MED13: variants seen among roughly 807,000 people sequenced by gnomAD.
The protein encoded by MED13 is mediator of RNA polymerase II transcription subunit 13.
A neutral mutation model predicts 225.2 loss-of-function variants in MED13; 23 were observed. The ratio of observed to expected loss-of-function variants is 0.10; its 90% CI spans 0.07 to 0.14. The LOEUF is 0.14. MED13 is among the 10% of genes least tolerant of loss of function. MED13 has a pLI of 1.00. For missense variants in MED13, 2,197 were observed against 2,594.5 expected, an observed-to-expected ratio of 0.85 and a Z score of 3.33; for synonymous variants, 942 against 889.2, an observed-to-expected ratio of 1.06 and a Z score of -1.06.
intron 28 of MED13, among the ~76,000 whole-genome samples, chr17:61,949,383 C>A (rs1229807282): frequency 6.6e-6 from 1 of 152,032 alleles, no homozygotes. Flanking sequence ...GCACATGCCA[C>A]CATGCCTAAT....
intron 23 of MED13, among the ~76,000 whole-genome samples, chr17:61,956,995 A>T (rs571745669): frequency 1.5e-3 from 227 of 152,236 alleles, no homozygotes; most frequent in African/African-American, 4.6e-3. Context: ...ATAAATTTTT[A>T]AAAAAATTTG....
At chr17:61,956,634 G>A (rs902047545) in intron 23 of MED13, among the ~76,000 whole-genome samples, 153 bp from the exon 24 acceptor site, 3 of 152,040 alleles carry the variant, frequency 2.0e-5, no homozygotes, top group Non-Finnish European at 4.4e-5. Context: ...CACCTTCACG[G>A]GTTTAAGTGA....
intron 10 of MED13, among the ~76,000 whole-genome samples, chr17:61,993,403 T>C (rs1037549791): frequency 1.3e-5 from 2 of 150,188 alleles, no homozygotes; most frequent in African/African-American, 4.9e-5. Context: ...GGTTTCGCCA[T>C]GTTGGCCAGG....
rs1206154243 is a variant in MED13 at position 61,944,110 on chromosome 17, T to C, written c.*2358A>G. ...GAAAAAAAATCTTATCAATAAATCCTGTATATTTGGGAACTATTCCCTGAT... is the reference window on the plus strand; with the variant it reads ...GAAAAAAAATCTTATCAATAAATCCCGTATATTTGGGAACTATTCCCTGAT... On this transcript the variant is annotated 3_prime_UTR_variant, in exon 30 of 30. Transcript: ENST00000397786. The C allele has an allele frequency of 1.3e-5, 2 of 152,616 alleles. No homozygotes were observed. Among genetic ancestry groups the C allele is most frequent in the African/African-American group, 4.8e-5 (2 of 41,450 alleles). The allele number at this position is 152,616 out of a possible 1,614,324, so 9.5% of individuals were successfully genotyped here.
chr17:61,981,782 T>C (rs2080207257), intron 16 of MED13, among the ~76,000 whole-genome samples: 1 of 152,356 alleles, frequency 6.6e-6, no homozygotes, highest in South Asian at 2.1e-4. Flanking sequence ...TTTGTTTATT[T>C]CCTATTTTCT....
intron 16 of MED13, among the ~76,000 whole-genome samples, chr17:61,976,800 C>T (rs1349983497): frequency 2.0e-5 from 3 of 152,018 alleles, no homozygotes; most frequent in Admixed American, 6.6e-5. Context: ...GGGCATGTGG[C>T]GGGCACCTGT....
rs199717491 is a variant in MED13 at position 62,035,516 on chromosome 17, A to C, written c.563T>G (p.Leu188Arg). 4.3e-6 allele frequency: 7 copies of C among 1,613,464 alleles called. No individual in the cohort carries two copies. The highest frequency in any genetic ancestry group is 5.9e-6 in the Non-Finnish European group (7 of 1,179,504). ...AAGGGTGATATGCTCTTCACTGAGA[A>C]GGTATACAGGTTGATGTTGGTTAAT... ...VEINQHQPVYLLSEEHITLAQ... is the reference protein window; with the variant it reads ...VEINQHQPVYRLSEEHITLAQ... Residue 188 changes from leucine to arginine, a missense_variant, in exon 4 of 30, where the codon CTT becomes CGT. Physicochemically the swap from Leu to Arg is moderately radical, Grantham distance 102 (BLOSUM62 -2). Coordinates refer to ENST00000397786, the MANE Select transcript of MED13 (RefSeq NM_005121.3).
chr17:61,983,045 C>T lies in MED13; in HGVS notation c.2958G>A (p.Met986Ile). ...TACTAGGAGGTGCACTGCTAGGAGG[C>T]ATCCCAAAAGAAGTATGAGTTTGAG... ...YTPQTHTSFGMPPSSAPPSNS... is the reference protein window; with the variant it reads ...YTPQTHTSFGIPPSSAPPSNS... The change falls in exon 16 of 30, where the codon ATG becomes ATA. Residue 986 changes from methionine to isoleucine, a missense_variant. Physicochemically the swap from Met to Ile is conservative, Grantham distance 10. This residue lies in a region of MED13 where 160 missense variants were observed against 184.8 expected (regional missense o/e 0.87). Coordinates refer to ENST00000397786, the MANE Select transcript of MED13 (RefSeq NM_005121.3). 6.2e-7 allele frequency: 1 copy of T among 1,613,752 alleles called. No individual in the cohort carries two copies. Among genetic ancestry groups the T allele is most frequent in the South Asian group, 1.1e-5 (1 of 91,066 alleles).
chr17:61,991,680 C>T (rs1414246406), intron 11 of MED13, among the ~76,000 whole-genome samples: 7 of 151,810 alleles, frequency 4.6e-5, no homozygotes, highest in Non-Finnish European at 8.8e-5. Flanking sequence ...GCTAATTTTT[C>T]TATTTTTTTA....
intron 3 of MED13, among the ~76,000 whole-genome samples, chr17:62,039,041 C>T (rs571593928): frequency 6.6e-6 from 1 of 152,192 alleles, no homozygotes; most frequent in South Asian, 2.1e-4. Flanking sequence ...AATTGGTCTC[C>T]AAGGAGTCTT....
chr17:62,001,041 C>T (rs1447902086), intron 9 of MED13, among the ~76,000 whole-genome samples: 4 of 152,078 alleles, frequency 2.6e-5, no homozygotes, highest in Non-Finnish European at 2.9e-5. Flanking sequence ...GGATTACAGG[C>T]GTGAGTCACT....
intron 16 of MED13, among the ~76,000 whole-genome samples, chr17:61,978,009 C>T (rs1229002132): frequency 1.1e-4 from 17 of 152,112 alleles, no homozygotes; most frequent in Admixed American, 1.1e-3. Context: ...AAACATATAC[C>T]AGGTAAAGCT....
chr17:61,986,046 A>G (rs900004934), intron 12 of MED13, among the ~76,000 whole-genome samples: 9 of 152,188 alleles, frequency 5.9e-5, no homozygotes, highest in Non-Finnish European at 1.3e-4. Flanking sequence ...AGTCTGTGAT[A>G]AATATTAATA....
Position 61,946,323 on chromosome 17 carries a change from C to T in MED13, c.*145G>A. On this transcript the variant is annotated 3_prime_UTR_variant, in exon 30 of 30. Transcript: ENST00000397786. ...AATAGCAGGGTTATAGCCCCTCCCC[C>T]CAAGTCAAAACAATATTTGTTGAAG... The T allele has an allele frequency of 1.0e-6, 1 of 968,724 alleles. No homozygotes were observed. The highest frequency in any genetic ancestry group is 1.5e-6 in the Non-Finnish European group (1 of 674,328). 60.0% of individuals were successfully genotyped at this position (968,724 alleles called of 1,614,324 possible).
intron 9 of MED13, among the ~76,000 whole-genome samples, chr17:62,000,625 A>G (rs2080386605): frequency 6.6e-6 from 1 of 152,194 alleles, no homozygotes; most frequent in South Asian, 2.1e-4. Context: ...TTGGTTCCTC[A>G]TCTACATACA....
intron 23 of MED13, among the ~76,000 whole-genome samples, chr17:61,959,422 C>A (rs1478854916): frequency 6.6e-6 from 1 of 152,024 alleles, no homozygotes; most frequent in Non-Finnish European, 1.5e-5. Flanking sequence ...TCTACTTTCT[C>A]ATACTTCACA....
intron 9 of MED13, chr17:62,003,771 T>G (rs909952695): frequency 6.6e-6 from 1 of 152,100 alleles, no homozygotes; most frequent in Non-Finnish European, 1.5e-5. Flanking sequence ...TGACAAGGAA[T>G]AGGCAAAGCA....
Position 61,992,592 on chromosome 17 carries a change from C to T in MED13, c.2211G>A (p.Val737=). ...ACATAGCATCTTCTTCATGTGATAA[C>T]ACTGTTACACTAGATGTCCCATCTT... The part of the protein sequence containing the change: ...KVEDGTSSVT[V]LSHEEDAMSL... Residue 737 remains valine (V), a synonymous_variant, in exon 11 of 30, where the codon GTG becomes GTA. Transcript: ENST00000397786. The T allele has an allele frequency of 6.2e-7, 1 of 1,611,082 alleles. No homozygotes were observed. The highest frequency in any genetic ancestry group is 2.2e-5 in the East Asian group (1 of 44,784).
At chr17:61,985,277 A>G (rs1041873300) in intron 12 of MED13, among the ~76,000 whole-genome samples, 187 bp from the exon 13 acceptor site, 1 of 152,204 alleles carries the variant, frequency 6.6e-6, no homozygotes, top group African/African-American at 2.4e-5. Flanking sequence ...ACTCCAGATT[A>G]ATTTATTTGG....
Sources: gnomAD v4.1 joint callset for allele counts (sites outside exome capture counted in the v4.1 genomes callset) on GRCh38, gnomAD v4.1.1 for gene constraint, gnomAD v4.1.1 regional missense constraint, MANE v1.5 for transcripts, NCBI Gene and HGNC (gene_info 2026-07-23, HGNC 2026-07-21) for gene names.